ZFYVE28: variants seen among roughly 807,000 people sequenced by gnomAD.
ZFYVE28 encodes lateral signaling target protein 2 homolog.
A neutral mutation model predicts 82.1 loss-of-function variants in ZFYVE28; 40 were observed. The ratio of observed to expected loss-of-function variants is 0.49; its 90% CI spans 0.38 to 0.63. The LOEUF is 0.63. ZFYVE28 is among the 30% of genes least tolerant of loss of function. ZFYVE28 has a pLI of 0.00. For synonymous variants in ZFYVE28, 612 were observed against 546.1 expected, an observed-to-expected ratio of 1.12 and a Z score of -1.68; for missense variants, 1,321 against 1,242.1, an observed-to-expected ratio of 1.06 and a Z score of -0.96.
rs1445026024 is a variant in ZFYVE28, at chr4:2,408,862, G to T, written c.39+9423C>A. ...CACCCAATCCTGACGTGGGGCAGCA[G>T]TGATGGTTTGAAGCTCTCAGTTCCC... On this transcript the variant is annotated intron_variant, in intron 1 of 12. Transcript: ENST00000290974. This position sits in a 1 kb window ranked among gnomAD's most constrained non-coding sequence, Gnocchi z 4.3. Among the ~76,000 whole-genome samples the T allele has an allele frequency of 6.6e-6, 1 of 152,228 alleles. No individual in the cohort carries two copies. The highest frequency in any genetic ancestry group is 1.5e-5 in the Non-Finnish European group (1 of 68,036).
At chr4:2,309,947 T>C (rs966173248) in intron 7 of ZFYVE28, among the ~76,000 whole-genome samples, 2 of 152,246 alleles carry the variant, frequency 1.3e-5, no homozygotes, top group African/African-American at 2.4e-5. Context: ...TTCAAAATTA[T>C]ATGATTTTTC....
chr4:2,401,700 T>G (rs191626617), intron 1 of ZFYVE28, among the ~76,000 whole-genome samples: 1 of 152,208 alleles, frequency 6.6e-6, no homozygotes, highest in African/African-American at 2.4e-5. Flanking sequence ...TGCGGTCCCC[T>G]CGCCGCCCCG....
rs552484221 is a variant in ZFYVE28, at chr4:2,330,724, ACAT to A, written c.701+4978_701+4980del. 8.2e-4 allele frequency: 1,209 copies of A among 1,467,898 alleles called. 3 individuals carry two copies. The highest frequency in any genetic ancestry group is 1.1e-3 in the Non-Finnish European group (1,169 of 1,112,736). The allele number at this position is 1,467,898 out of a possible 1,614,324, so 90.9% of individuals were successfully genotyped here. The stretch of plus-strand genomic sequence containing the variant: ...CAGAGGGGACAGCGTGGAGGAGGAA[ACAT>A]CATGGAAAAGGGGACAGTGCGGGGG... On this transcript the variant is annotated intron_variant, in intron 6 of 12. Coordinates refer to ENST00000290974, the MANE Select transcript of ZFYVE28 (RefSeq NM_020972.3).
chr4:2,310,063 A>T (rs1164511363), intron 7 of ZFYVE28, among the ~76,000 whole-genome samples: 1 of 151,862 alleles, frequency 6.6e-6, no homozygotes, highest in Non-Finnish European at 1.5e-5. Flanking sequence ...TTTTGAGATA[A>T]TGTCTTGCGC....
chr4:2,337,267 G>T, intron 5 of ZFYVE28, 140 bp downstream of exon 5: 1 of 662,572 alleles, frequency 1.5e-6, no homozygotes. Flanking sequence ...TGTAGTGTGG[G>T]AAGACACGTC....
chr4:2,313,410 GCCA>G (rs947792978), intron 7 of ZFYVE28, among the ~76,000 whole-genome samples: 1 of 151,994 alleles, frequency 6.6e-6, no homozygotes, highest in Admixed American at 6.6e-5. Flanking sequence ...ACAGATATGT[GCCA>G]CCACACCCAT....
intron 8 of ZFYVE28, among the ~76,000 whole-genome samples, chr4:2,290,810 G>A (rs1463521060): frequency 6.6e-6 from 1 of 152,162 alleles, no homozygotes; most frequent in Non-Finnish European, 1.5e-5. Context: ...GTGGGGAGGG[G>A]TGGGGGCCAT....
At chr4:2,363,947 T>A (rs1726509884) in intron 1 of ZFYVE28, among the ~76,000 whole-genome samples, 1 of 152,198 alleles carries the variant, frequency 6.6e-6, no homozygotes. Flanking sequence ...TCAAAGCCAC[T>A]CACCCTGCCT....
intron 1 of ZFYVE28, among the ~76,000 whole-genome samples, chr4:2,393,004 G>A (rs952073085): frequency 6.6e-6 from 1 of 152,198 alleles, no homozygotes; most frequent in African/African-American, 2.4e-5. Context: ...AAATAAATAG[G>A]ATCTTTTGCT....
At chr4:2,336,310 A>G (rs1578145972) in intron 5 of ZFYVE28, among the ~76,000 whole-genome samples, 1 of 152,344 alleles carries the variant, frequency 6.6e-6, no homozygotes, top group African/African-American at 2.4e-5. Flanking sequence ...ACTTTTCAAA[A>G]TAAAAGGAAT....
chr4:2,393,976 C>G (rs969169932), intron 1 of ZFYVE28, among the ~76,000 whole-genome samples: 1 of 152,212 alleles, frequency 6.6e-6, no homozygotes, highest in African/African-American at 2.4e-5. Context: ...TCAGCAGGAC[C>G]GCGTGCCTTC....
intron 8 of ZFYVE28, chr4:2,287,791 T>TGGGGGCTGCAGGGCGA (rs1712985378): frequency 6.6e-6 from 1 of 151,982 alleles, no homozygotes; most frequent in Admixed American, 6.6e-5. Context: ...GCGTCAGCAG[T>TGGGGGCTGCAGGGCGA]GGGGGCTGCA....
At chr4:2,381,600 T>C (rs1399014847) in intron 1 of ZFYVE28, among the ~76,000 whole-genome samples, 2 of 152,106 alleles carry the variant, frequency 1.3e-5, no homozygotes, top group African/African-American at 4.8e-5. Flanking sequence ...AGAGATGGGG[T>C]TCCACCGTAT....
chr4:2,300,941 G>A lies in ZFYVE28; in HGVS notation c.2051+3348C>T, dbSNP rs949631687. 1.2e-4 allele frequency among the ~76,000 whole-genome samples: 18 copies of A among 152,038 alleles called. No individual in the cohort carries two copies. Among genetic ancestry groups the A allele is most frequent in the African/African-American group, 2.7e-4 (11 of 41,396 alleles). Reference sequence around the variant, plus strand: ...AGCTGAGGCAAATACCACCCTCTCCGTCTCAGTCTCTCCCACTGCAGAATG... The same window carrying A: ...AGCTGAGGCAAATACCACCCTCTCCATCTCAGTCTCTCCCACTGCAGAATG... On this transcript the variant is annotated intron_variant, in intron 8 of 12. Transcript: ENST00000290974. This position sits in a 1 kb window ranked among gnomAD's most constrained non-coding sequence, Gnocchi z 4.6.
chr4:2,396,176 GT>G (rs764827284), intron 1 of ZFYVE28, among the ~76,000 whole-genome samples: 15 of 37,990 alleles, frequency 3.9e-4, no homozygotes, highest in Admixed American at 1.8e-3. Flanking sequence ...GGGACACAAG[GT>G]GGGGGTGTCT....
At chr4:2,275,078 C>A (rs1736287527) in intron 8 of ZFYVE28, among the ~76,000 whole-genome samples, 1 of 151,842 alleles carries the variant, frequency 6.6e-6, no homozygotes, top group Non-Finnish European at 1.5e-5. Flanking sequence ...CCTCCAGGGG[C>A]CTCTGCACAA....
intron 10 of ZFYVE28, among the ~76,000 whole-genome samples, chr4:2,272,622 C>G (rs969435770): frequency 6.6e-6 from 1 of 152,220 alleles, no homozygotes; most frequent in African/African-American, 2.4e-5. Flanking sequence ...CTGTGTGCTT[C>G]TGCTGTGTCA....
intron 8 of ZFYVE28, among the ~76,000 whole-genome samples, chr4:2,288,277 C>A (rs565093353): frequency 6.6e-6 from 1 of 152,188 alleles, no homozygotes; most frequent in Non-Finnish European, 1.5e-5. Context: ...CCTAAGCCCC[C>A]CTGTGGCCCC....
At position 2,305,227 on chromosome 4, in the gene ZFYVE28, G is replaced by A. The variant is rs773379887; in HGVS notation, c.1113C>T (p.His371=). 2.5e-6 allele frequency: 4 copies of A among 1,610,372 alleles called. No homozygotes were observed. The South Asian group carries it at 3.3e-5, about 13-fold the overall frequency. Residue 371 remains histidine (H), a synonymous_variant, in exon 8 of 13, where the codon CAC becomes CAT. Coordinates refer to ENST00000290974, the MANE Select transcript of ZFYVE28 (RefSeq NM_020972.3). The part of the protein sequence containing the change: ...SPPIACQSPA[H]RPGAEGSPGG... ...CTGGGCTGCCCTCCGCTCCTGGCCT[G>A]TGAGCTGGGGACTGGCAGGCAATGG...
Sources: gnomAD v4.1 joint callset for allele counts (sites outside exome capture counted in the v4.1 genomes callset) on GRCh38, gnomAD v4.1.1 for gene constraint, Gnocchi (gnomAD v3.1) non-coding constraint, MANE v1.5 for transcripts, NCBI Gene and HGNC (gene_info 2026-07-23, HGNC 2026-07-21) for gene names.